Variants in CACNA1H observed in about 807,000 individuals in gnomAD.
The protein encoded by CACNA1H is calcium voltage-gated channel subunit alpha1 H.
Under a neutral mutation model 192.5 loss-of-function variants are expected in CACNA1H, and 149 were observed. That is an observed-to-expected ratio of 0.77 (90% CI 0.68 to 0.89). CACNA1H has a LOEUF of 0.89. Among genes scored for constraint, CACNA1H ranks in the 40% least tolerant of loss-of-function variants. The probability of loss-of-function intolerance (pLI) is 0.00; values close to 1 mark genes in which losing one functional copy is unlikely to be tolerated. For synonymous variants in CACNA1H, 2,202 were observed against 1,475.2 expected, an observed-to-expected ratio of 1.49 and a Z score of -11.29; for missense variants, 4,257 against 3,423.5, an observed-to-expected ratio of 1.24 and a Z score of -6.08.
intron 2 of CACNA1H, among the ~76,000 whole-genome samples, chr16:1,185,756 GGTCGGCGT>G (rs1218535279): frequency 3.0e-4 from 3 of 9,890 alleles, no homozygotes; most frequent in East Asian, 3.2e-3. Context: ...GTGAGTAGAC[GGTCGGCGT>G]GCGTAGGGGC....
chr16:1,210,719 C>T (rs1969338161), intron 20 of CACNA1H, 68 bp downstream of exon 20: 2 of 1,576,888 alleles, frequency 1.3e-6, no homozygotes, highest in Non-Finnish European at 1.7e-6. Context: ...CACCCCCACC[C>T]AGCAGCGCGC....
chr16:1,186,058 G>GT (rs1966012438), intron 2 of CACNA1H, among the ~76,000 whole-genome samples: 1 of 113,950 alleles, frequency 8.8e-6, no homozygotes, highest in Admixed American at 7.9e-5. Context: ...TGAGTAGACG[G>GT]CGTAGGGGCC....
At chr16:1,212,659 G>T in intron 26 of CACNA1H, 131 bp downstream of exon 26, 2 of 1,106,412 alleles carry the variant, frequency 1.8e-6, no homozygotes, top group Non-Finnish European at 2.6e-6. Context: ...GGCGTGTGGC[G>T]TGAGGAGGGG....
chr16:1,207,954 G>T, intron 15 of CACNA1H, 59 bp from the exon 16 acceptor site: 1 of 1,549,658 alleles, frequency 6.5e-7, no homozygotes, highest in Non-Finnish European at 8.8e-7. Flanking sequence ...TAGGTTGGGG[G>T]ATTCCTGGTC....
In CACNA1H at chr16:1,167,999, G is replaced by A. The variant is rs935910773; in HGVS notation, c.299+13963G>A. 6.6e-5 allele frequency among the ~76,000 whole-genome samples: 10 copies of A among 152,182 alleles called. No individual in the cohort carries two copies. Among genetic ancestry groups the A allele is most frequent in the African/African-American group, 2.2e-4 (9 of 41,448 alleles). On this transcript the variant is annotated intron_variant, in intron 2 of 34. Transcript: ENST00000348261. This position sits in a 1 kb window ranked among gnomAD's most constrained non-coding sequence, Gnocchi z 4.2. Reference sequence around the variant, plus strand: ...CGCTTGTCCCCAAGGCCTGGTGACCGCACCTCTGTCTGCCCTAGGCCTTCG... The same window carrying A: ...CGCTTGTCCCCAAGGCCTGGTGACCACACCTCTGTCTGCCCTAGGCCTTCG...
intron 2 of CACNA1H, among the ~76,000 whole-genome samples, chr16:1,190,487 A>T (rs187948789): frequency 6.6e-6 from 1 of 152,134 alleles, no homozygotes; most frequent in Non-Finnish European, 1.5e-5. Context: ...ACCTCGGCTG[A>T]CTGCTCCCCT....
At chr16:1,182,422 C>A (rs1203603620) in intron 2 of CACNA1H, among the ~76,000 whole-genome samples, 1 of 152,164 alleles carries the variant, frequency 6.6e-6, no homozygotes, top group East Asian at 1.9e-4. Flanking sequence ...TGGGTGTGGG[C>A]TCCCCGCACC....
At chr16:1,155,285 CG>C (rs1228109841) in intron 2 of CACNA1H, among the ~76,000 whole-genome samples, 1 of 152,186 alleles carries the variant, frequency 6.6e-6, no homozygotes, top group Non-Finnish European at 1.5e-5. Flanking sequence ...ACCCGCTGCC[CG>C]GGCGGCCTAG....
chr16:1,158,292 T>C (rs1184665552), intron 2 of CACNA1H, among the ~76,000 whole-genome samples: 2 of 151,938 alleles, frequency 1.3e-5, no homozygotes, highest in African/African-American at 4.8e-5. Flanking sequence ...GCCTTCCCAC[T>C]CACCAAGAGC....
chr16:1,171,514 A>G (rs1313952979), intron 2 of CACNA1H, among the ~76,000 whole-genome samples: 2 of 152,192 alleles, frequency 1.3e-5, no homozygotes, highest in Non-Finnish European at 2.9e-5. Flanking sequence ...CAAAGGTCGA[A>G]TGGAGATGGG....
In CACNA1H at chr16:1,215,664, C is replaced by T. The variant is rs1022277923; in HGVS notation, c.5244+71C>T. On this transcript the variant is annotated intron_variant, in intron 30 of 34. Transcript: ENST00000348261. ...GGGTTGCAGGGAGCGCCTCGCCGTC[C>T]CCCTCTCCCCCTCACTCGTTTCTCT... The T allele has an allele frequency of 2.1e-5, 25 of 1,187,902 alleles. No homozygotes were observed. In the African/African-American group the frequency reaches 2.6e-4, roughly 12 times the overall value. 73.6% of individuals were successfully genotyped at this position (1,187,902 alleles called of 1,614,324 possible).
intron 2 of CACNA1H, among the ~76,000 whole-genome samples, chr16:1,190,973 T>A (rs1002443122): frequency 6.9e-6 from 1 of 144,734 alleles, no homozygotes; most frequent in African/African-American, 2.7e-5. Context: ...TCAGGCACAC[T>A]CGGGGTTTCG....
At chr16:1,198,916 C>A (rs1386199453) in intron 6 of CACNA1H, 142 bp downstream of exon 6, 2 of 753,814 alleles carry the variant, frequency 2.7e-6, no homozygotes, top group East Asian at 2.7e-5. Flanking sequence ...CCCGTCATGG[C>A]TCCGTCCACC....
chr16:1,196,126 G>A, intron 5 of CACNA1H, 103 bp downstream of exon 5: 6 of 939,186 alleles, frequency 6.4e-6, no homozygotes, highest in Non-Finnish European at 8.4e-6. Context: ...ACTGGGAAAT[G>A]AAGGTTACCA....
At chr16:1,207,225 C>T (rs373460591) in intron 13 of CACNA1H, 50 bp from the exon 14 acceptor site, 34 of 1,563,138 alleles carry the variant, frequency 2.2e-5, no homozygotes, top group African/African-American at 9.5e-5. Context: ...AAGGACTTGC[C>T]GGCATTTCGG....
At chr16:1,155,721 C>T (rs1962269433) in intron 2 of CACNA1H, among the ~76,000 whole-genome samples, 1 of 152,130 alleles carries the variant, frequency 6.6e-6, no homozygotes, top group African/African-American at 2.4e-5. Flanking sequence ...AGTTTTGGAG[C>T]CTGGCCCCGG....
chr16:1,153,949 C>G lies in CACNA1H; in HGVS notation c.212C>G (p.Pro71Arg), dbSNP rs774748739. Residue 71 changes from proline to arginine, a missense_variant, in exon 2 of 35, where the codon CCG (proline) becomes CGG (arginine). Coordinates refer to ENST00000348261, the MANE Select transcript of CACNA1H (RefSeq NM_021098.3). Reference protein sequence around the residue: ...ELGADEEQRVPYPALAATVFF... With the variant: ...ELGADEEQRVRYPALAATVFF... The stretch of plus-strand genomic sequence containing the variant: ...GGTGCCGACGAGGAGCAGCGCGTCC[C>G]GTACCCGGCCTTGGCGGCCACGGTC... The G allele has an allele frequency of 8.3e-6, 12 of 1,453,112 alleles. No homozygotes were observed. Among genetic ancestry groups the G allele is most frequent in the Admixed American group, 2.4e-5 (1 of 41,556 alleles). 90.0% of individuals were successfully genotyped at this position (1,453,112 alleles called of 1,614,324 possible). A position where few individuals can be genotyped will look rare whatever the true frequency, so the allele number is the denominator to read the frequency against.
At chr16:1,155,666 T>C (rs1031029276) in intron 2 of CACNA1H, among the ~76,000 whole-genome samples, 10 of 151,806 alleles carry the variant, frequency 6.6e-5, no homozygotes, top group African/African-American at 2.2e-4. Context: ...ATGGACTCTC[T>C]TCACAGCCCC....
chr16:1,194,889 C>G, intron 2 of CACNA1H, 83 bp from the exon 3 acceptor site: 1 of 1,038,510 alleles, frequency 9.6e-7, no homozygotes, highest in Non-Finnish European at 1.5e-6. Context: ...GGCGGGGCTC[C>G]GGCTGACCGG....
Sources: gnomAD v4.1 joint callset for allele counts (sites outside exome capture counted in the v4.1 genomes callset) on GRCh38, gnomAD v4.1.1 for gene constraint, Gnocchi (gnomAD v3.1) non-coding constraint, MANE v1.5 for transcripts, NCBI Gene and HGNC (gene_info 2026-07-23, HGNC 2026-07-21) for gene names.